The following SLC44A1 variants were observed in gnomAD, a reference collection of about 807,000 sequenced individuals.
SLC44A1 encodes the protein choline transporter-like protein 1.
SLC44A1 carries 26 observed loss-of-function variants against 79.3 expected under a neutral mutation model. That is an observed-to-expected ratio of 0.33 (90% CI 0.24 to 0.46). The LOEUF (loss-of-function observed/expected upper bound fraction) is 0.46. SLC44A1 is among the 20% of genes least tolerant of loss of function. SLC44A1 has a pLI of 1.00. For missense variants in SLC44A1, 688 were observed against 798.1 expected, an observed-to-expected ratio of 0.86 and a Z score of 1.66; for synonymous variants, 263 against 286.2, an observed-to-expected ratio of 0.92 and a Z score of 0.82.
At position 105,361,199 on chromosome 9, in the gene SLC44A1, G is replaced by T; in HGVS notation, c.769G>T (p.Gly257Cys). 1 of 1,614,046 alleles carries T rather than the reference G, an allele frequency of 6.2e-7. No homozygotes were observed. Among genetic ancestry groups the T allele is most frequent in the Non-Finnish European group, 8.5e-7 (1 of 1,179,920 alleles). ...GGGTCTTTTGTCTCCAGGAGGCACA[G>T]GTGTACTATGGTGGCTGTATGCAAA... Reference protein sequence around the residue: ...LVILGSLGGTGVLWWLYAKQR... With the variant: ...LVILGSLGGTCVLWWLYAKQR... Residue 257 changes from glycine (G) to cysteine (C), a missense_variant, in exon 8 of 16, where the codon GGT becomes TGT. By Grantham distance (159) the Gly-to-Cys change is radical. Transcript: ENST00000374720.
intron 1 of SLC44A1, among the ~76,000 whole-genome samples, chr9:105,245,414 C>T (rs1391447954): frequency 6.6e-6 from 1 of 152,218 alleles, no homozygotes; most frequent in Admixed American, 6.5e-5. Flanking sequence ...ATATTCTGTC[C>T]CTTTTCTCTT....
intron 15 of SLC44A1, among the ~76,000 whole-genome samples, chr9:105,407,026 GAAGA>G (rs1829037881): frequency 6.6e-6 from 1 of 152,098 alleles, no homozygotes; most frequent in Admixed American, 6.6e-5. Context: ...TGAGCAGGCA[GAAGA>G]AAGAATCACC....
chr9:105,366,314 T>C (rs1827939604), intron 11 of SLC44A1, 32 bp from the exon 12 acceptor site: 2 of 1,244,694 alleles, frequency 1.6e-6, no homozygotes, highest in Non-Finnish European at 1.1e-6. Context: ...ATTCTTTGGT[T>C]TTTTTATTAT....
intron 15 of SLC44A1, among the ~76,000 whole-genome samples, chr9:105,433,157 A>G (rs1022616978): frequency 6.6e-6 from 1 of 152,006 alleles, no homozygotes. Flanking sequence ...TTAGCCGGGT[A>G]TGGTAGTGTG....
At chr9:105,370,305 C>T (rs191619095) in intron 12 of SLC44A1, among the ~76,000 whole-genome samples, 74 of 152,326 alleles carry the variant, frequency 4.9e-4, no homozygotes, top group African/African-American at 1.5e-3. Flanking sequence ...TCATCTTGAC[C>T]TTTGTGTATC....
intron 1 of SLC44A1, among the ~76,000 whole-genome samples, chr9:105,287,427 C>T (rs1830503393): frequency 1.3e-5 from 2 of 152,052 alleles, no homozygotes; most frequent in African/African-American, 2.4e-5. Flanking sequence ...GTTGTATTTC[C>T]CTTACAACTA....
At chr9:105,351,849 A>C (rs1827458398) in intron 5 of SLC44A1, among the ~76,000 whole-genome samples, 1 of 152,194 alleles carries the variant, frequency 6.6e-6, no homozygotes, top group Non-Finnish European at 1.5e-5. Context: ...GTAGATGAGG[A>C]AAAAGAAGAT....
At chr9:105,338,041 G>A (rs753026747) in intron 4 of SLC44A1, among the ~76,000 whole-genome samples, 8 of 152,178 alleles carry the variant, frequency 5.3e-5, no homozygotes, top group Non-Finnish European at 1.2e-4. Flanking sequence ...AGCTACAAAG[G>A]CACCATTAGG....
At chr9:105,259,262 C>T (rs891975950) in intron 1 of SLC44A1, among the ~76,000 whole-genome samples, 17 of 152,278 alleles carry the variant, frequency 1.1e-4, no homozygotes, top group East Asian at 3.9e-4. Flanking sequence ...CCATAATTCA[C>T]CAATTCCTGA....
intron 1 of SLC44A1, among the ~76,000 whole-genome samples, chr9:105,279,458 C>T (rs2131249742): frequency 6.6e-6 from 1 of 151,948 alleles, no homozygotes; most frequent in South Asian, 2.1e-4. Context: ...GCTGGGACTA[C>T]AGCTGCACAC....
chr9:105,376,802 GC>G (rs1828305691), intron 13 of SLC44A1, among the ~76,000 whole-genome samples: 1 of 152,192 alleles, frequency 6.6e-6, no homozygotes, highest in African/African-American at 2.4e-5. Context: ...TGAGTGAAGG[GC>G]TTTTGTTAAG....
At chr9:105,255,653 G>A (rs1468577466) in intron 1 of SLC44A1, among the ~76,000 whole-genome samples, 3 of 152,166 alleles carry the variant, frequency 2.0e-5, no homozygotes, top group African/African-American at 7.2e-5. Flanking sequence ...TTCCTCAGAA[G>A]TCCTTTCACT....
intron 15 of SLC44A1, chr9:105,386,176 C>G (rs1050245963): frequency 6.1e-6 from 6 of 980,558 alleles, no homozygotes; most frequent in Non-Finnish European, 6.1e-6. Context: ...ACAAATATAT[C>G]TCTCTACTCC....
intron 5 of SLC44A1, among the ~76,000 whole-genome samples, chr9:105,352,716 T>G (rs1277427256): frequency 6.6e-6 from 1 of 152,162 alleles, no homozygotes; most frequent in Non-Finnish European, 1.5e-5. Flanking sequence ...TAATACTAGC[T>G]CCTCAAAAGT....
intron 3 of SLC44A1, among the ~76,000 whole-genome samples, chr9:105,318,541 C>T (rs932603285): frequency 1.3e-5 from 2 of 152,078 alleles, no homozygotes; most frequent in African/African-American, 2.4e-5. Flanking sequence ...GTTGTAAAGA[C>T]GCTAACTAAA....
At chr9:105,265,455 A>G (rs1464245408) in intron 1 of SLC44A1, among the ~76,000 whole-genome samples, 1 of 152,220 alleles carries the variant, frequency 6.6e-6, no homozygotes, top group Non-Finnish European at 1.5e-5. Context: ...CATCCATGCT[A>G]TTGCATGCAT....
At chr9:105,274,160 C>G (rs1008596762) in intron 1 of SLC44A1, among the ~76,000 whole-genome samples, 3 of 152,186 alleles carry the variant, frequency 2.0e-5, no homozygotes, top group African/African-American at 7.2e-5. Context: ...TTCATTCATT[C>G]ACTAGATAAA....
intron 3 of SLC44A1, among the ~76,000 whole-genome samples, chr9:105,315,856 G>A (rs1330862373): frequency 1.3e-5 from 2 of 152,220 alleles, no homozygotes; most frequent in African/African-American, 2.4e-5. Flanking sequence ...TCTCTTCCTC[G>A]TGATGACTTA....
At chr9:105,327,945 G>A (rs1020173068) in intron 3 of SLC44A1, among the ~76,000 whole-genome samples, 4 of 152,022 alleles carry the variant, frequency 2.6e-5, no homozygotes, top group Non-Finnish European at 4.4e-5. Context: ...ATTTATCATC[G>A]TATCTTTAGT....
Sources: gnomAD v4.1 joint callset for allele counts (sites outside exome capture counted in the v4.1 genomes callset) on GRCh38, gnomAD v4.1.1 for gene constraint, MANE v1.5 for transcripts, NCBI Gene and HGNC (gene_info 2026-07-23, HGNC 2026-07-21) for gene names.